RGS22: variants seen among roughly 807,000 people sequenced by gnomAD.
RGS22 encodes regulator of G protein signaling 22.
RGS22 carries 148 observed loss-of-function variants against 172.9 expected under a neutral mutation model. The ratio of observed to expected loss-of-function variants is 0.86; its 90% confidence interval spans 0.75 to 0.98. The LOEUF (loss-of-function observed/expected upper bound fraction) is 0.98, where lower values mean the gene tolerates loss of function less well. Among genes scored for constraint, RGS22 ranks in the 50% least tolerant of loss-of-function variants. The probability of loss-of-function intolerance (pLI) is 0.00; values close to 1 mark genes in which losing one functional copy is unlikely to be tolerated. For missense variants in RGS22, 1,347 were observed against 1,440.8 expected (o/e 0.93, Z 1.05); for synonymous variants, 458 against 480.2 (o/e 0.95, Z 0.60).
chr8:99,962,243 CA>C (rs1335481720), intron 27 of RGS22, among the ~76,000 whole-genome samples, 150 bp downstream of exon 27: 4 of 152,102 alleles, frequency 2.6e-5, no homozygotes, highest in Non-Finnish European at 4.4e-5. Flanking sequence ...CTGTGCCATT[CA>C]AAAGGGAGGC....
At chr8:100,082,663 G>C (rs958120033) in intron 3 of RGS22, among the ~76,000 whole-genome samples, 2 of 152,154 alleles carry the variant, frequency 1.3e-5, no homozygotes, top group Non-Finnish European at 1.5e-5. Context: ...CAGGGTTATG[G>C]AAACAAGTCT....
intron 21 of RGS22, among the ~76,000 whole-genome samples, chr8:99,982,988 T>C (rs1812710406): frequency 6.6e-6 from 1 of 152,150 alleles, no homozygotes; most frequent in South Asian, 2.1e-4. Context: ...CAGCAGTGTC[T>C]ATTATTCCCA....
Position 99,999,398 on chromosome 8 carries a change from C to T in RGS22, c.2813G>A (p.Trp938Ter). ...QNQVMHLSGG[W>*]GKILHEQLDA... The stretch of plus-strand genomic sequence containing the variant: ...AAGCTGCTCATGAAGAATCTTCCCC[C>T]AGCCACCACTTAAATGCATTACCTA... The change falls in exon 19 of 28, where the codon TGG becomes TAG. Residue 938 changes from tryptophan to a stop codon, truncating the protein, a stop_gained. Transcript: ENST00000360863. LOFTEE classifies it high-confidence loss of function. 6.2e-7 allele frequency: 1 copy of T among 1,613,748 alleles called. No individual in the cohort carries two copies. The highest frequency in any genetic ancestry group is 1.3e-5 in the African/African-American group (1 of 75,022).
At chr8:100,098,052 T>C (rs1185837902) in intron 2 of RGS22, among the ~76,000 whole-genome samples, 1 of 152,094 alleles carries the variant, frequency 6.6e-6, no homozygotes, top group Non-Finnish European at 1.5e-5. Flanking sequence ...CCCAGAAAAA[T>C]TTTCCCCTTT....
At chr8:100,010,254 G>A (rs145493822) in intron 14 of RGS22, among the ~76,000 whole-genome samples, 2,787 of 152,132 alleles carry the variant, frequency 0.018, 67 homozygotes, top group African/African-American at 0.052. Context: ...TTGGGAGGCC[G>A]AGGCGGGCAC....
At chr8:100,077,071 A>AT (rs199647626) in intron 4 of RGS22, among the ~76,000 whole-genome samples, 1 of 151,872 alleles carries the variant, frequency 6.6e-6, no homozygotes, top group Admixed American at 6.6e-5. Context: ...AAATTCTCTT[A>AT]TTTTTTTTAA....
intron 17 of RGS22, among the ~76,000 whole-genome samples, chr8:100,002,769 A>G (rs190709921): frequency 2.0e-5 from 3 of 152,310 alleles, no homozygotes; most frequent in Non-Finnish European, 4.4e-5. Context: ...GAAAGCTTGA[A>G]TAAGGGCCAG....
chr8:99,981,338 G>A (rs921130595), intron 22 of RGS22, among the ~76,000 whole-genome samples: 1 of 152,070 alleles, frequency 6.6e-6, no homozygotes, highest in Non-Finnish European at 1.5e-5. Flanking sequence ...CTTATTTTAT[G>A]AGCTATGTGA....
chr8:99,977,817 A>G, intron 23 of RGS22, 100 bp downstream of exon 23: 1 of 928,522 alleles, frequency 1.1e-6, no homozygotes, highest in Non-Finnish European at 1.6e-6. Flanking sequence ...TGTATTCCAT[A>G]ACTTCTCTCT....
intron 6 of RGS22, among the ~76,000 whole-genome samples, chr8:100,068,120 G>A (rs1810672326): frequency 6.6e-6 from 1 of 152,140 alleles, no homozygotes; most frequent in Non-Finnish European, 1.5e-5. Context: ...AATGTGTGGT[G>A]GTTCATGCCT....
chr8:100,075,435 C>G (rs1811281435), intron 4 of RGS22, among the ~76,000 whole-genome samples: 2 of 152,210 alleles, frequency 1.3e-5, no homozygotes, highest in South Asian at 4.1e-4. Context: ...AGGCCCTCAC[C>G]AGAAGCAGAT....
chr8:100,087,349 T>C (rs1812238913), intron 3 of RGS22, among the ~76,000 whole-genome samples: 1 of 152,184 alleles, frequency 6.6e-6, no homozygotes. Flanking sequence ...AAGGATATCA[T>C]TTTCCAAATA....
chr8:100,065,614 C>T (rs953113097), intron 7 of RGS22, among the ~76,000 whole-genome samples: 2 of 152,008 alleles, frequency 1.3e-5, no homozygotes, highest in African/African-American at 4.8e-5. Flanking sequence ...CTGGAAGATT[C>T]CTTTTATTTT....
At chr8:100,046,345 A>C (rs1820713862) in intron 11 of RGS22, 1 of 151,958 alleles carries the variant, frequency 6.6e-6, no homozygotes, top group African/African-American at 2.4e-5. Flanking sequence ...TCTAGCCGTA[A>C]CAATGTATAG....
intron 18 of RGS22, among the ~76,000 whole-genome samples, chr8:100,000,413 G>A (rs1814914308): frequency 2.0e-5 from 3 of 152,004 alleles, no homozygotes; most frequent in Admixed American, 2.0e-4. Context: ...AGACTACCTT[G>A]CTAATCAAAG....
At chr8:99,999,718 C>T (rs1020336551) in intron 18 of RGS22, among the ~76,000 whole-genome samples, 2 of 152,048 alleles carry the variant, frequency 1.3e-5, no homozygotes, top group Non-Finnish European at 2.9e-5. Flanking sequence ...CATTTTTTTC[C>T]CTCCATGGAC....
Position 99,962,668 on chromosome 8 carries a change from G to A in RGS22, c.3790+19C>T. On this transcript the variant is annotated intron_variant, in intron 26 of 27. Coordinates refer to ENST00000360863, the MANE Select transcript of RGS22 (RefSeq NM_015668.5). Reference sequence around the variant, plus strand: ...AAAAAGAAAGAAACAACTGAAGATAGACTACACTGGAAACTCACTCTGGCT... The same window carrying A: ...AAAAAGAAAGAAACAACTGAAGATAAACTACACTGGAAACTCACTCTGGCT... 1.3e-6 allele frequency: 2 copies of A among 1,583,658 alleles called. No individual in the cohort carries two copies. Among genetic ancestry groups the A allele is most frequent in the Non-Finnish European group, 1.7e-6 (2 of 1,165,566 alleles).
intron 6 of RGS22, among the ~76,000 whole-genome samples, chr8:100,070,045 A>AC (rs1239047477): frequency 1.2e-4 from 15 of 120,842 alleles, no homozygotes; most frequent in South Asian, 8.0e-4. Context: ...AAAAAAAAAA[A>AC]AAACAAAACA....
intron 19 of RGS22, among the ~76,000 whole-genome samples, chr8:99,997,581 A>G (rs1195852924): frequency 2.6e-5 from 4 of 152,196 alleles, no homozygotes; most frequent in Non-Finnish European, 1.5e-5. Flanking sequence ...GTAGGCCACA[A>G]AGTGTTTGAG....
Sources: gnomAD v4.1 joint callset for allele counts (sites outside exome capture counted in the v4.1 genomes callset) on GRCh38, gnomAD v4.1.1 for gene constraint, MANE v1.5 for transcripts, NCBI Gene and HGNC (gene_info 2026-07-23, HGNC 2026-07-21) for gene names.